Variants in ZNF626 observed in about 807,000 individuals in gnomAD.
ZNF626 encodes CTC-513N18.7.
A neutral mutation model predicts 11.7 loss-of-function variants in ZNF626; 4 were observed. The ratio of observed to expected loss-of-function variants is 0.34; its 90% CI spans 0.17 to 0.78. The LOEUF (loss-of-function observed/expected upper bound fraction) is 0.78. ZNF626 is among the 30% of genes least tolerant of loss of function. The pLI is 0.57. For synonymous variants in ZNF626, 179 were observed against 198.6 expected, an observed-to-expected ratio of 0.90 and a Z score of 0.83; for missense variants, 588 against 587.1, an observed-to-expected ratio of 1.00 and a Z score of -0.01.
rs1427637767 is a variant in ZNF626 at position 20,621,170 on chromosome 19, C to G, written c.*3120G>C. 1.3e-5 allele frequency: 2 copies of G among 152,104 alleles called. No homozygotes were observed. Among genetic ancestry groups the G allele is most frequent in the African/African-American group, 2.4e-5 (1 of 41,362 alleles). 9.4% of individuals were successfully genotyped at this position (152,104 alleles called of 1,614,324 possible). A position where few individuals can be genotyped will look rare whatever the true frequency, so the allele number is the denominator to read the frequency against. ...TTGAGATGGAGTGTCCGTCTGTCAC[C>G]CAGGCTGGAGTGCAGTGGTGCTATC... On this transcript the variant is annotated 3_prime_UTR_variant, in exon 4 of 4. Coordinates refer to ENST00000601440, the MANE Select transcript of ZNF626 (RefSeq NM_001076675.3).
In ZNF626 at chr19:20,623,725, G is replaced by A. The variant is rs1555769003; in HGVS notation, c.*565C>T. On this transcript the variant is annotated 3_prime_UTR_variant, in exon 4 of 4. Coordinates refer to ENST00000601440, the MANE Select transcript of ZNF626 (RefSeq NM_001076675.3). ...GAGGCAGGAGAATGGATTGAACCCAGAAGGCGGAGGTTGCAGTGAGCCGAG... is the reference window on the plus strand; with the variant it reads ...GAGGCAGGAGAATGGATTGAACCCAAAAGGCGGAGGTTGCAGTGAGCCGAG... The A allele has an allele frequency of 1.4e-5, 3 of 214,984 alleles. No individual in the cohort carries two copies. The highest frequency in any genetic ancestry group is 2.8e-5 in the Non-Finnish European group (3 of 108,908). 13.3% of individuals were successfully genotyped at this position (214,984 alleles called of 1,614,324 possible).
intron 1 of ZNF626, among the ~76,000 whole-genome samples, chr19:20,649,053 TCCAG>T (rs2144787826): frequency 6.6e-6 from 1 of 152,270 alleles, no homozygotes; most frequent in East Asian, 1.9e-4. Context: ...CGCATGGCAG[TCCAG>T]GAGGCAGAGT....
intron 1 of ZNF626, among the ~76,000 whole-genome samples, chr19:20,649,704 G>A (rs1555772344): frequency 6.6e-6 from 1 of 152,188 alleles, no homozygotes; most frequent in Non-Finnish European, 1.5e-5. Flanking sequence ...AAGCTTTAAT[G>A]AGCTTATAAA....
At chr19:20,627,583 C>A (rs868962948) in intron 3 of ZNF626, among the ~76,000 whole-genome samples, 2 of 151,914 alleles carry the variant, frequency 1.3e-5, no homozygotes, top group African/African-American at 4.8e-5. Flanking sequence ...GTAAGTTTTT[C>A]TCTTTCAGAA....
In ZNF626 at chr19:20,621,800, T is replaced by C. The variant is rs1289065069; in HGVS notation, c.*2490A>G. The C allele has an allele frequency of 6.6e-6, 1 of 152,228 alleles. No homozygotes were observed. Among genetic ancestry groups the C allele is most frequent in the African/African-American group, 2.4e-5 (1 of 41,452 alleles). The allele number at this position is 152,228 out of a possible 1,614,324, so 9.4% of individuals were successfully genotyped here. A position where few individuals can be genotyped will look rare whatever the true frequency, so the allele number is the denominator to read the frequency against. On this transcript the variant is annotated 3_prime_UTR_variant, in exon 4 of 4. Transcript: ENST00000601440. Reference sequence around the variant, plus strand: ...CAAATAGTATACTTCTTCCATCTTTTGCTTACACCATTTGAGTAAGGCCGG... The same window carrying C: ...CAAATAGTATACTTCTTCCATCTTTCGCTTACACCATTTGAGTAAGGCCGG...
intron 3 of ZNF626, among the ~76,000 whole-genome samples, chr19:20,628,590 T>C (rs527283648): frequency 2.6e-5 from 4 of 152,308 alleles, no homozygotes; most frequent in Admixed American, 1.3e-4. Context: ...TTTTGAGAAG[T>C]GTCTGTTCAT....
intron 3 of ZNF626, among the ~76,000 whole-genome samples, chr19:20,644,513 G>A (rs1454437462): frequency 6.6e-6 from 1 of 152,004 alleles, no homozygotes; most frequent in Non-Finnish European, 1.5e-5. Flanking sequence ...TCACCCTAAG[G>A]GCCCAATAAA....
rs1555772959 is a variant in ZNF626, at chr19:20,655,105, G to A, written c.3+6339C>T. On this transcript the variant is annotated intron_variant, in intron 1 of 3. Coordinates refer to ENST00000601440, the MANE Select transcript of ZNF626 (RefSeq NM_001076675.3). ...CCAGCCTCGGCAACAGAGTGAGACT[G>A]TCTCAAAAAAAAAAAAAATGAAAAT... Among the ~76,000 whole-genome samples, 3 of 105,794 alleles carry A rather than the reference G, an allele frequency of 2.8e-5. 1 individual carries two copies. Among genetic ancestry groups the A allele is most frequent in the African/African-American group, 1.9e-4 (3 of 15,518 alleles). The allele number at this position is 105,794 out of a possible 152,430, so 69.4% of individuals were successfully genotyped here.
chr19:20,646,289 C>T lies in ZNF626; in HGVS notation c.120G>A (p.Leu40=), dbSNP rs782488458. Residue 40 remains leucine, a synonymous_variant, in exon 2 of 4, where the codon CTG becomes CTA. Transcript: ENST00000601440. ...RNVMLENYSN[L]VFLGITVSKP... ...TCAAGTTATCCTCACCAAGGAAGAC[C>T]AGGTTACTGTAGTTCTCTAACATCA... 6.2e-7 allele frequency: 1 copy of T among 1,613,412 alleles called. No homozygotes were observed. The highest frequency in any genetic ancestry group is 8.5e-7 in the Non-Finnish European group (1 of 1,179,676).
intron 3 of ZNF626, among the ~76,000 whole-genome samples, chr19:20,631,498 A>C (rs1555770339): frequency 6.6e-5 from 10 of 151,560 alleles, no homozygotes. Context: ...TATTTAGGAT[A>C]GTTAGCTCTT....
At chr19:20,646,258 A>G (rs1555771888) in intron 2 of ZNF626, 21 bp downstream of exon 2, 2 of 1,608,672 alleles carry the variant, frequency 1.2e-6, no homozygotes, top group Non-Finnish European at 1.7e-6. Flanking sequence ...AGGGTATATT[A>G]TGTACTCAAG....
At chr19:20,628,788 T>C (rs1303988138) in intron 3 of ZNF626, among the ~76,000 whole-genome samples, 1 of 152,206 alleles carries the variant, frequency 6.6e-6, no homozygotes, top group Non-Finnish European at 1.5e-5. Context: ...TTAGTTTAAT[T>C]AGATCCCATT....
intron 3 of ZNF626, among the ~76,000 whole-genome samples, chr19:20,630,889 C>T (rs1340090264): frequency 1.3e-5 from 2 of 151,638 alleles, no homozygotes; most frequent in African/African-American, 4.9e-5. Context: ...TAGATCTTTC[C>T]TGCTTTCTCT....
chr19:20,626,712 G>A (rs78287707), intron 3 of ZNF626, among the ~76,000 whole-genome samples: 14,911 of 152,096 alleles, frequency 0.098, 951 homozygotes, highest in East Asian at 0.15. Context: ...GACAGAGCAA[G>A]ACTGTCTCAA....
At chr19:20,645,026 A>T (rs1363810374) in intron 3 of ZNF626, 2 of 162,528 alleles carry the variant, frequency 1.2e-5, no homozygotes, top group Non-Finnish European at 2.6e-5. Context: ...ATATTATCCA[A>T]AGTAATCTAT....
chr19:20,630,986 T>C (rs1409214208), intron 3 of ZNF626, among the ~76,000 whole-genome samples: 1 of 152,024 alleles, frequency 6.6e-6, no homozygotes, highest in Non-Finnish European at 1.5e-5. Flanking sequence ...TTTGTTCTCG[T>C]TGGTTTCAAA....
intron 1 of ZNF626, among the ~76,000 whole-genome samples, chr19:20,652,273 G>C (rs1406275588): frequency 6.9e-6 from 1 of 144,194 alleles, no homozygotes; most frequent in Non-Finnish European, 1.5e-5. Flanking sequence ...GGCTGCTCTA[G>C]CACATTCTAA....
At position 20,625,169 on chromosome 19, in the gene ZNF626, T is replaced by C. The variant is rs1599470384; in HGVS notation, c.708A>G (p.Lys236=). The change falls in exon 4 of 4, where the codon AAA becomes AAG. Residue 236 remains lysine (K), a synonymous_variant. Transcript: ENST00000601440. ...TAAGAGTGGAGGAGTGCTTAAAGGCTTTGCCACATTCTTCACATTTGTAGG... is the reference window on the plus strand; with the variant it reads ...TAAGAGTGGAGGAGTGCTTAAAGGCCTTGCCACATTCTTCACATTTGTAGG... ...EKPYKCEECG[K]AFKHSSTLTT... is the part of the protein sequence containing the mutation. The C allele has an allele frequency of 6.2e-7, 1 of 1,613,238 alleles. No homozygotes were observed. Among genetic ancestry groups the C allele is most frequent in the East Asian group, 2.2e-5 (1 of 44,850 alleles).
chr19:20,643,364 AT>A (rs1201699524), intron 3 of ZNF626, among the ~76,000 whole-genome samples: 4 of 120,424 alleles, frequency 3.3e-5, no homozygotes, highest in African/African-American at 1.6e-4. Context: ...ATATTAGGAA[AT>A]AAACTCATTA....
Sources: gnomAD v4.1 joint callset for allele counts (sites outside exome capture counted in the v4.1 genomes callset) on GRCh38, gnomAD v4.1.1 for gene constraint, MANE v1.5 for transcripts, NCBI Gene and HGNC (gene_info 2026-07-23, HGNC 2026-07-21) for gene names.